Variants in FGF5 observed in about 807,000 individuals in gnomAD.
FGF5 encodes the protein fibroblast growth factor 5, also known as heparin-binding growth factor 5.
FGF5 carries 23 observed loss-of-function variants against 21.8 expected under a neutral mutation model. The ratio of observed to expected loss-of-function variants is 1.05; its 90% confidence interval spans 0.76 to 1.49. FGF5 has a LOEUF of 1.49. Among genes scored for constraint, FGF5 ranks in the 40% most tolerant of loss-of-function variants. The probability of loss-of-function intolerance (pLI) is 0.00; values close to 1 mark genes in which losing one functional copy is unlikely to be tolerated. For synonymous variants in FGF5, 158 were observed against 124.0 expected (o/e 1.27, Z -1.82); for missense variants, 352 against 332.9 (o/e 1.06, Z -0.45).
rs1244493555 is a variant in FGF5, at chr4:80,266,747, A to G, written c.-78A>G. 4.8e-6 allele frequency: 6 copies of G among 1,260,764 alleles called. No individual in the cohort carries two copies. Among genetic ancestry groups the G allele is most frequent in the African/African-American group, 1.5e-5 (1 of 66,790 alleles). 78.1% of individuals were successfully genotyped at this position (1,260,764 alleles called of 1,614,324 possible). ...GGTGCGGCGAGGCGGGCAGAGCCAGAGGCACGCAGCCGCACAGGGGCTACA... is the reference window on the plus strand; with the variant it reads ...GGTGCGGCGAGGCGGGCAGAGCCAGGGGCACGCAGCCGCACAGGGGCTACA... On this transcript the variant is annotated 5_prime_UTR_variant, in exon 1 of 3. Coordinates refer to ENST00000312465, the MANE Select transcript of FGF5 (RefSeq NM_004464.4).
At chr4:80,267,733 G>GCAGA (rs1553910468) in intron 1 of FGF5, among the ~76,000 whole-genome samples, 3 of 150,952 alleles carry the variant, frequency 2.0e-5, no homozygotes, top group African/African-American at 7.3e-5. Context: ...ATACACATAG[G>GCAGA]TAGATAGATA....
At chr4:80,273,904 T>C (rs1720338000) in intron 1 of FGF5, among the ~76,000 whole-genome samples, 1 of 152,088 alleles carries the variant, frequency 6.6e-6, no homozygotes, top group African/African-American at 2.4e-5. Context: ...AAATCTCTTT[T>C]TAAAAATTTT....
At chr4:80,280,244 GTTTAAACTC>G (rs1218806796) in intron 2 of FGF5, among the ~76,000 whole-genome samples, 23 of 152,224 alleles carry the variant, frequency 1.5e-4, no homozygotes, top group Non-Finnish European at 2.6e-4. Context: ...ACAAAAATGG[GTTTAAACTC>G]TGCCTTCGCA....
rs577650211 is a variant in FGF5, at chr4:80,285,395, A to G, written c.460-930A>G. Among the ~76,000 whole-genome samples the G allele has an allele frequency of 6.6e-5, 10 of 152,176 alleles. No homozygotes were observed. In the South Asian group the frequency reaches 2.1e-3, roughly 32 times the overall value. ...TCCTTCTCCCTGAAAATCCTTTCTT[A>G]TTTTGCCTTCCTCTCTAATGCTAGT... On this transcript the variant is annotated intron_variant, in intron 2 of 2. Coordinates refer to ENST00000312465, the MANE Select transcript of FGF5 (RefSeq NM_004464.4).
In FGF5 at chr4:80,290,111, ATAATTT is replaced by A. The variant is rs1164071158; in HGVS notation, c.*3441_*3446del. ...ACTAACCAAAAACTTGCATTCTGGC[ATAATTT>A]TTACAGTTGCAGAGAATTGTTTCTG... On this transcript the variant is annotated 3_prime_UTR_variant, in exon 3 of 3. Transcript: ENST00000312465. The A allele has an allele frequency of 6.6e-6, 1 of 152,186 alleles. No individual in the cohort carries two copies. The highest frequency in any genetic ancestry group is 1.5e-5 in the Non-Finnish European group (1 of 68,022). The allele number at this position is 152,186 out of a possible 1,614,324, so 9.4% of individuals were successfully genotyped here.
intron 1 of FGF5, among the ~76,000 whole-genome samples, chr4:80,272,308 TAAG>T (rs1376335808): frequency 6.6e-6 from 1 of 152,182 alleles, no homozygotes; most frequent in African/African-American, 2.4e-5. Flanking sequence ...CTGGAAGTTT[TAAG>T]AAGAAACCCA....
chr4:80,268,593 C>A (rs900442982), intron 1 of FGF5: 54 of 906,108 alleles, frequency 6.0e-5, no homozygotes, highest in Non-Finnish European at 7.0e-5. Context: ...TGGCTAGCCT[C>A]CTCCGGTGGG....
At chr4:80,274,275 G>T (rs1030525975) in intron 1 of FGF5, among the ~76,000 whole-genome samples, 5 of 152,016 alleles carry the variant, frequency 3.3e-5, no homozygotes, top group Non-Finnish European at 7.4e-5. Flanking sequence ...CAAAATGCAA[G>T]ATGTCTCAAA....
At position 80,286,290 on chromosome 4, in the gene FGF5, A is replaced by G. The variant is rs751151631; in HGVS notation, c.460-35A>G. ...TTTATTACATGCTGAAAAGATCGCC[A>G]CAACTTAAATTTCCTCTTTTTTTCT... is the stretch of plus-strand genomic sequence containing the variant. On this transcript the variant is annotated intron_variant, in intron 2 of 2. Transcript: ENST00000312465. 4.2e-6 allele frequency: 6 copies of G among 1,439,878 alleles called. No homozygotes were observed. The South Asian group carries it at 6.8e-5, about 16-fold the overall frequency. The allele number at this position is 1,439,878 out of a possible 1,614,324, so 89.2% of individuals were successfully genotyped here. A position where few individuals can be genotyped will look rare whatever the true frequency, so the allele number is the denominator to read the frequency against.
intron 1 of FGF5, among the ~76,000 whole-genome samples, chr4:80,270,063 C>G (rs540440714): frequency 6.6e-6 from 1 of 152,322 alleles, no homozygotes; most frequent in East Asian, 1.9e-4. Context: ...AGGTGTTGGC[C>G]ATGGCCTTTC....
rs1403013808 is a variant in FGF5 at position 80,288,059 on chromosome 4, A to G, written c.*1387A>G. 1 of 152,204 alleles carries G rather than the reference A, an allele frequency of 6.6e-6. No individual in the cohort carries two copies. The highest frequency in any genetic ancestry group is 1.9e-4 in the East Asian group (1 of 5,202). The allele number at this position is 152,204 out of a possible 1,614,324, so 9.4% of individuals were successfully genotyped here. ...TCATTTTAATAAAGTTCTGCAAAAT[A>G]CACGTTTATCTTACATTCAGAAATG... On this transcript the variant is annotated 3_prime_UTR_variant, in exon 3 of 3. Coordinates refer to ENST00000312465, the MANE Select transcript of FGF5 (RefSeq NM_004464.4).
intron 2 of FGF5, among the ~76,000 whole-genome samples, chr4:80,283,494 C>T (rs1393831168): frequency 6.6e-6 from 1 of 152,042 alleles, no homozygotes; most frequent in Non-Finnish European, 1.5e-5. Flanking sequence ...GATATAGATT[C>T]CTGTTTTAAA....
intron 2 of FGF5, among the ~76,000 whole-genome samples, chr4:80,279,096 G>T (rs1158170660): frequency 6.6e-6 from 1 of 152,088 alleles, no homozygotes; most frequent in African/African-American, 2.4e-5. Flanking sequence ...AGCCTTTCTG[G>T]ATTTATCTGA....
rs1027410370 is a variant in FGF5 at position 80,287,464 on chromosome 4, T to A, written c.*792T>A. 4 of 152,158 alleles carry A rather than the reference T, an allele frequency of 2.6e-5. No homozygotes were observed. Among genetic ancestry groups the A allele is most frequent in the Non-Finnish European group, 4.4e-5 (3 of 68,026 alleles). The allele number at this position is 152,158 out of a possible 1,614,324, so 9.4% of individuals were successfully genotyped here. ...AGGAGAAAATATAAGGACTTTTTGA[T>A]GGAATTAAATGTGGGAGGTAAGGAA... On this transcript the variant is annotated 3_prime_UTR_variant, in exon 3 of 3. Transcript: ENST00000312465.
Position 80,287,886 on chromosome 4 carries a change from T to TA in FGF5, c.*1221dup, listed in dbSNP as rs1222891966. On this transcript the variant is annotated 3_prime_UTR_variant, in exon 3 of 3. Coordinates refer to ENST00000312465, the MANE Select transcript of FGF5 (RefSeq NM_004464.4). ...TTATAAGGAAACTTCTGATGTTTATTAAAAAAACTGGCCTTTTGATAGAGG... is the reference window on the plus strand; with the variant it reads ...TTATAAGGAAACTTCTGATGTTTATTAAAAAAAACTGGCCTTTTGATAGAGG... 1 of 152,276 alleles carries TA rather than the reference T, an allele frequency of 6.6e-6. No individual in the cohort carries two copies. The highest frequency in any genetic ancestry group is 2.1e-4 in the South Asian group (1 of 4,830). The allele number at this position is 152,276 out of a possible 1,614,324, so 9.4% of individuals were successfully genotyped here.
At chr4:80,269,788 GT>G (rs35218300) in intron 1 of FGF5, among the ~76,000 whole-genome samples, 1,703 of 144,772 alleles carry the variant, frequency 0.012, 21 homozygotes, top group African/African-American at 0.035. Context: ...CTTCCATAGA[GT>G]TTTTTTTTTT....
chr4:80,267,009 C>T lies in FGF5; in HGVS notation c.185C>T (p.Ser62Phe). ...SAMSSSSASS[S>F]PAASLGSQGS... Reference sequence around the variant, plus strand: ...ATGTCTTCCTCTTCTGCCTCCTCCTCCCCCGCAGCTTCTCTGGGCAGCCAA... The same window carrying T: ...ATGTCTTCCTCTTCTGCCTCCTCCTTCCCCGCAGCTTCTCTGGGCAGCCAA... Residue 62 changes from serine (S) to phenylalanine (F), a missense_variant, in exon 1 of 3, where the codon TCC becomes TTC. Coordinates refer to ENST00000312465, the MANE Select transcript of FGF5 (RefSeq NM_004464.4). 1.2e-6 allele frequency: 2 copies of T among 1,614,206 alleles called. No individual in the cohort carries two copies. The highest frequency in any genetic ancestry group is 1.1e-5 in the South Asian group (1 of 91,080).
In FGF5 at chr4:80,283,063, T is replaced by C. The variant is rs34995680; in HGVS notation, c.460-3262T>C. On this transcript the variant is annotated intron_variant, in intron 2 of 2. Transcript: ENST00000312465. ...AGACCGGGAATACTAACAGGAATAG[T>C]CAATCCTTCAAGATGAGTAAATTCA... is the stretch of plus-strand genomic sequence containing the variant. 5.7e-3 allele frequency among the ~76,000 whole-genome samples: 866 copies of C among 152,324 alleles called. 14 individuals carry two copies. Among genetic ancestry groups the C allele is most frequent in the African/African-American group, 0.02 (825 of 41,572 alleles).
chr4:80,268,808 C>T (rs1436385303), intron 1 of FGF5, among the ~76,000 whole-genome samples: 2 of 152,216 alleles, frequency 1.3e-5, no homozygotes, highest in Admixed American at 6.5e-5. Flanking sequence ...CTCACACTCC[C>T]GAGAGGAATC....
Sources: gnomAD v4.1 joint callset for allele counts (sites outside exome capture counted in the v4.1 genomes callset) on GRCh38, gnomAD v4.1.1 for gene constraint, MANE v1.5 for transcripts, NCBI Gene and HGNC (gene_info 2026-07-23, HGNC 2026-07-21) for gene names.